ARHGAP8: variants seen among roughly 807,000 people sequenced by gnomAD.
ARHGAP8 encodes the protein rho GTPase-activating protein 8.
ARHGAP8 carries 62 observed loss-of-function variants against 46.1 expected under a neutral mutation model. That is an observed-to-expected ratio of 1.34 (90% CI 1.10 to 1.66). The LOEUF is 1.66. Ranked by LOEUF, ARHGAP8 falls within the 40% of genes most tolerant of loss-of-function variation. The pLI is 0.00. For missense variants in ARHGAP8, 923 were observed against 568.4 expected, an observed-to-expected ratio of 1.62 and a Z score of -6.34; for synonymous variants, 375 against 243.1, an observed-to-expected ratio of 1.54 and a Z score of -5.05.
chr22:44,836,574 A>G (rs147783906), intron 7 of ARHGAP8, among the ~76,000 whole-genome samples: 2 of 144,568 alleles, frequency 1.4e-5, no homozygotes, highest in African/African-American at 5.0e-5. Context: ...GTAGGTCCTC[A>G]GTGCACAGTG....
intron 7 of ARHGAP8, among the ~76,000 whole-genome samples, chr22:44,831,487 G>A (rs1194164269): frequency 4.6e-5 from 7 of 151,950 alleles, no homozygotes; most frequent in Admixed American, 3.3e-4. Flanking sequence ...CCTGAGGTCA[G>A]GAGTTCAAGA....
chr22:44,811,450 C>T (rs1372576269), intron 4 of ARHGAP8, among the ~76,000 whole-genome samples: 1 of 152,216 alleles, frequency 6.6e-6, no homozygotes, highest in Non-Finnish European at 1.5e-5. Context: ...GTCATTTAAC[C>T]TTGGCCAGAG....
chr22:44,773,906 A>G (rs1209705364), intron 1 of ARHGAP8, among the ~76,000 whole-genome samples: 2 of 152,192 alleles, frequency 1.3e-5, no homozygotes, highest in African/African-American at 4.8e-5. Flanking sequence ...TTAATATGCC[A>G]TTTATACTAT....
intron 10 of ARHGAP8, 103 bp downstream of exon 10, chr22:44,849,163 A>G: frequency 6.4e-7 from 1 of 1,564,770 alleles, no homozygotes. Context: ...GGTGACGTGT[A>G]CCCACCCTCC....
At chr22:44,790,695 A>C (rs1258170424) in intron 2 of ARHGAP8, among the ~76,000 whole-genome samples, 2 of 142,886 alleles carry the variant, frequency 1.4e-5, no homozygotes, top group African/African-American at 5.3e-5. Flanking sequence ...AAAAAAAAAA[A>C]AAAAGAGAAG....
Position 44,780,272 on chromosome 22 carries a change from T to A in ARHGAP8, c.-71-6185T>A, listed in dbSNP as rs4594555. ...CTCAGGAGGCTGAGGCAAGAGGATCTCTTGAGCCCAGGAGGCCAAGGCTGC... is the reference window on the plus strand; with the variant it reads ...CTCAGGAGGCTGAGGCAAGAGGATCACTTGAGCCCAGGAGGCCAAGGCTGC... On this transcript the variant is annotated intron_variant, in intron 1 of 11. Coordinates refer to ENST00000356099, the MANE Select transcript of ARHGAP8 (RefSeq NM_181335.3). 6.6e-4 allele frequency among the ~76,000 whole-genome samples: 101 copies of A among 151,990 alleles called. 1 individual carries two copies. The East Asian group carries it at 0.01, about 15-fold the overall frequency.
At chr22:44,781,291 T>A (rs1926829719) in intron 1 of ARHGAP8, among the ~76,000 whole-genome samples, 1 of 152,174 alleles carries the variant, frequency 6.6e-6, no homozygotes, top group Admixed American at 6.6e-5. Flanking sequence ...TCTGGTTTAC[T>A]CTCCTTACTG....
At chr22:44,776,717 G>A (rs569364127) in intron 1 of ARHGAP8, among the ~76,000 whole-genome samples, 12 of 152,138 alleles carry the variant, frequency 7.9e-5, no homozygotes, top group Non-Finnish European at 1.0e-4. Flanking sequence ...GGAGGATTTG[G>A]TAATTAACTG....
At chr22:44,779,081 A>G (rs1215710777) in intron 1 of ARHGAP8, among the ~76,000 whole-genome samples, 1 of 144,642 alleles carries the variant, frequency 6.9e-6, no homozygotes, top group Non-Finnish European at 1.5e-5. Context: ...ACAGTGACTG[A>G]CTTTTTGGTC....
In ARHGAP8 at chr22:44,862,367, C is replaced by T. The variant is rs908377811; in HGVS notation, c.1074C>T (p.Ser358=). 2.5e-6 allele frequency: 4 copies of T among 1,614,046 alleles called. No homozygotes were observed. Among genetic ancestry groups the T allele is most frequent in the Non-Finnish European group, 3.4e-6 (4 of 1,180,004 alleles). The part of the protein sequence containing the change: ...LNLIWPSQGV[S]SLSALVPLNM... The stretch of plus-strand genomic sequence containing the variant: ...TGATCTGGCCATCCCAGGGGGTCTC[C>T]TCCCTGAGTGCCCTTGTGCCCCTGA... Residue 358 remains serine, a synonymous_variant, in exon 12 of 12, where the codon TCC becomes TCT. Transcript: ENST00000356099.
rs566631776 is a variant in ARHGAP8, at chr22:44,862,443, C to G, written c.1150C>G (p.Pro384Ala). The G allele has an allele frequency of 3.0e-4, 483 of 1,614,082 alleles. No individual in the cohort carries two copies. The highest frequency in any genetic ancestry group is 3.5e-4 in the Non-Finnish European group (412 of 1,179,996). Residue 384 changes from proline to alanine, a missense_variant, in exon 12 of 12, where the codon CCG becomes GCG. Transcript: ENST00000356099. ...IEYYEKIFST[P>A]EAPGEHGLAP... Reference sequence around the variant, plus strand: ...GTACTATGAAAAGATCTTCAGCACCCCGGAGGCACCTGGGGAGCACGGCCT... The same window carrying G: ...GTACTATGAAAAGATCTTCAGCACCGCGGAGGCACCTGGGGAGCACGGCCT...
intron 3 of ARHGAP8, among the ~76,000 whole-genome samples, chr22:44,802,985 C>CCTGCTG (rs5845671): frequency 5.9e-5 from 9 of 151,376 alleles, no homozygotes; most frequent in East Asian, 5.9e-4. Context: ...AAGACAAGGG[C>CCTGCTG]CTGCTGCTGC....
At chr22:44,795,847 C>G (rs1928045413) in intron 2 of ARHGAP8, among the ~76,000 whole-genome samples, 1 of 152,284 alleles carries the variant, frequency 6.6e-6, no homozygotes, top group South Asian at 2.1e-4. Flanking sequence ...ACAAGCCTCC[C>G]AGCCCCTCCC....
Position 44,849,026 on chromosome 22 carries a change from CT to C in ARHGAP8, c.845del (p.Phe282SerfsTer56). The stretch of plus-strand genomic sequence containing the variant: ...GAGAGCTGCCCCAGCCGCTTCTGAC[CT>C]TCCAGGCCTACGAGCAGATTCTCGG... The part of the protein sequence containing the change: ...LRELPQPLLT[F>X]QAYEQILGIT... On this transcript the variant is annotated frameshift_variant, in exon 10 of 12. Coordinates refer to ENST00000356099, the MANE Select transcript of ARHGAP8 (RefSeq NM_181335.3). LOFTEE classifies it high-confidence loss of function. 6.2e-7 allele frequency: 1 copy of C among 1,614,052 alleles called. No homozygotes were observed. Among genetic ancestry groups the C allele is most frequent in the Non-Finnish European group, 8.5e-7 (1 of 1,179,962 alleles).
chr22:44,840,078 C>T (rs569349604), intron 7 of ARHGAP8, among the ~76,000 whole-genome samples: 22 of 152,252 alleles, frequency 1.4e-4, no homozygotes, highest in African/African-American at 5.3e-4. Flanking sequence ...TCAGGGTTTC[C>T]AGCAAAAAGG....
chr22:44,801,048 G>GC lies in ARHGAP8; in HGVS notation c.80-1028dup, dbSNP rs530083098. 1.7e-3 allele frequency among the ~76,000 whole-genome samples: 107 copies of GC among 62,718 alleles called. 18 individuals are homozygous for GC. Among genetic ancestry groups the GC allele is most frequent in the Non-Finnish European group, 2.3e-3 (74 of 32,118 alleles). 41.1% of individuals were successfully genotyped at this position (62,718 alleles called of 152,430 possible). A position where few individuals can be genotyped will look rare whatever the true frequency, so the allele number is the denominator to read the frequency against. On this transcript the variant is annotated intron_variant, in intron 2 of 11. Coordinates refer to ENST00000356099, the MANE Select transcript of ARHGAP8 (RefSeq NM_181335.3). ...CGCCTCTCCCCGCAGCTGTGTGGGG[G>GC]CACCTCTCCCCGCAGCTGTCCATGT...
At chr22:44,856,935 G>GT (rs1373517373) in intron 10 of ARHGAP8, among the ~76,000 whole-genome samples, 1 of 140,256 alleles carries the variant, frequency 7.1e-6, no homozygotes, top group Non-Finnish European at 1.5e-5. Flanking sequence ...GCTGACTTGA[G>GT]TAAGAATTCT....
chr22:44,762,637 G>A (rs976413154), intron 1 of ARHGAP8, among the ~76,000 whole-genome samples: 4 of 150,386 alleles, frequency 2.7e-5, no homozygotes, highest in Non-Finnish European at 4.4e-5. Context: ...TCCACCTCTC[G>A]GGTTCAAGCG....
At chr22:44,812,871 CAT>C (rs1451142636) in intron 4 of ARHGAP8, among the ~76,000 whole-genome samples, 1 of 152,062 alleles carries the variant, frequency 6.6e-6, no homozygotes, top group African/African-American at 2.4e-5. Flanking sequence ...TCAGTGTGGA[CAT>C]GTGTAAAATG....
Sources: gnomAD v4.1 joint callset for allele counts (sites outside exome capture counted in the v4.1 genomes callset) on GRCh38, gnomAD v4.1.1 for gene constraint, MANE v1.5 for transcripts, NCBI Gene and HGNC (gene_info 2026-07-23, HGNC 2026-07-21) for gene names.